Variants in KCNQ1 observed in about 807,000 individuals in gnomAD.
KCNQ1 encodes the protein potassium voltage-gated channel subfamily Q member 1.
Under a neutral mutation model 72.4 loss-of-function variants are expected in KCNQ1, and 49 were observed. The ratio of observed to expected loss-of-function variants is 0.68; its 90% CI spans 0.54 to 0.86. KCNQ1 has a LOEUF of 0.86. Among genes scored for constraint, KCNQ1 ranks in the 40% least tolerant of loss-of-function variants. The pLI is 0.00. For synonymous variants in KCNQ1, 450 were observed against 412.6 expected, an observed-to-expected ratio of 1.09 and a Z score of -1.10; for missense variants, 790 against 945.1, an observed-to-expected ratio of 0.84 and a Z score of 2.15.
intron 11 of KCNQ1, among the ~76,000 whole-genome samples, chr11:2,755,781 T>C (rs1846289924): frequency 6.6e-6 from 1 of 152,254 alleles, no homozygotes. Context: ...AATTGGTGTA[T>C]GTATAACTAA....
chr11:2,499,108 A>G (rs1477630763), intron 1 of KCNQ1, among the ~76,000 whole-genome samples: 1 of 152,136 alleles, frequency 6.6e-6, no homozygotes, highest in Non-Finnish European at 1.5e-5. Flanking sequence ...GAAATGCAGA[A>G]ATCACCCAGT....
At chr11:2,641,373 C>T (rs541399890) in intron 10 of KCNQ1, 2 of 398,096 alleles carry the variant, frequency 5.0e-6, no homozygotes, top group South Asian at 1.3e-4. Flanking sequence ...TTGCATTTCC[C>T]TTATAATTAC....
chr11:2,760,924 C>A (rs1846383031), intron 11 of KCNQ1, among the ~76,000 whole-genome samples: 1 of 152,168 alleles, frequency 6.6e-6, no homozygotes, highest in Non-Finnish European at 1.5e-5. Context: ...AGCTGAAGCC[C>A]CATGGGTGTG....
chr11:2,718,209 T>C (rs993148963), intron 11 of KCNQ1, among the ~76,000 whole-genome samples: 1 of 152,124 alleles, frequency 6.6e-6, no homozygotes, highest in African/African-American at 2.4e-5. Context: ...CTTCCTCTGC[T>C]CCGTCCTTCC....
At chr11:2,582,759 G>A (rs2133749476) in intron 6 of KCNQ1, among the ~76,000 whole-genome samples, 1 of 152,292 alleles carries the variant, frequency 6.6e-6, no homozygotes, top group East Asian at 1.9e-4. Flanking sequence ...CACGGACCAG[G>A]CCCAGCCAGG....
At chr11:2,832,404 G>A (rs770945113) in intron 15 of KCNQ1, among the ~76,000 whole-genome samples, 8 of 152,160 alleles carry the variant, frequency 5.3e-5, no homozygotes, top group East Asian at 3.9e-4. Flanking sequence ...GAGTGGGGCC[G>A]TCAGAGCTCC....
chr11:2,499,316 C>G (rs767864567), intron 1 of KCNQ1, among the ~76,000 whole-genome samples: 14 of 152,016 alleles, frequency 9.2e-5, no homozygotes, highest in Non-Finnish European at 1.6e-4. Flanking sequence ...GGCAGACACA[C>G]AAATAAAAAG....
In KCNQ1 at chr11:2,669,232, G is replaced by C. The variant is rs1850138764; in HGVS notation, c.1514+7151G>C. The C allele has an allele frequency of 2.5e-6, 1 of 398,572 alleles. No homozygotes were observed. The highest frequency in any genetic ancestry group is 4.4e-6 in the Non-Finnish European group (1 of 226,140). 24.7% of individuals were successfully genotyped at this position (398,572 alleles called of 1,614,324 possible). Reference sequence around the variant, plus strand: ...CAGGTTTTGACAGCTGGTCCTGCTGGCTCTGGCTGCTTCTCCTTCCCCATC... The same window carrying C: ...CAGGTTTTGACAGCTGGTCCTGCTGCCTCTGGCTGCTTCTCCTTCCCCATC... On this transcript the variant is annotated intron_variant, in intron 11 of 15. Coordinates refer to ENST00000155840, the MANE Select transcript of KCNQ1 (RefSeq NM_000218.3). This position sits in a 1 kb window ranked among gnomAD's most constrained non-coding sequence, Gnocchi z 5.6.
At position 2,559,208 on chromosome 11, in the gene KCNQ1, G is replaced by A. The variant is rs961865523; in HGVS notation, c.478-11420G>A. On this transcript the variant is annotated intron_variant, in intron 2 of 15. Coordinates refer to ENST00000155840, the MANE Select transcript of KCNQ1 (RefSeq NM_000218.3). This position sits in a 1 kb window ranked among gnomAD's most constrained non-coding sequence, Gnocchi z 4.9. The stretch of plus-strand genomic sequence containing the variant: ...AGCCTACCAGGCAGTCTTCCCAGAG[G>A]TGCTTCCCGGGAAGCCCGTGGAGAG... Among the ~76,000 whole-genome samples, 2 of 152,188 alleles carry A rather than the reference G, an allele frequency of 1.3e-5. No individual in the cohort carries two copies. Among genetic ancestry groups the A allele is most frequent in the East Asian group, 3.9e-4 (2 of 5,148 alleles).
chr11:2,653,738 C>T lies in KCNQ1; in HGVS notation c.1394-8223C>T. On this transcript the variant is annotated intron_variant, in intron 10 of 15. Coordinates refer to ENST00000155840, the MANE Select transcript of KCNQ1 (RefSeq NM_000218.3). The surrounding 1 kb of genome is among the most constrained non-coding windows in gnomAD (Gnocchi z 5.3). ...CCAGGATTCCTGCCAGAATCTAAGG[C>T]CAGGTTCTTATTGGCCTCAGCTGGG... is the stretch of plus-strand genomic sequence containing the variant. 2.5e-6 allele frequency: 1 copy of T among 398,658 alleles called. No homozygotes were observed. Among genetic ancestry groups the T allele is most frequent in the Non-Finnish European group, 4.4e-6 (1 of 226,080 alleles). The allele number at this position is 398,658 out of a possible 1,614,324, so 24.7% of individuals were successfully genotyped here.
rs114982513 is a variant in KCNQ1, at chr11:2,536,921, A to G, written c.477+8903A>G. 0.026 allele frequency among the ~76,000 whole-genome samples: 3,894 copies of G among 151,848 alleles called. 207 individuals carry two copies. Among genetic ancestry groups the G allele is most frequent in the African/African-American group, 0.089 (3,656 of 41,244 alleles). ...ACTGTCTTCTAGATGTAGTACCCCA[A>G]TCCCCCCCAGTCCCTCCCTTTACCT... On this transcript the variant is annotated intron_variant, in intron 2 of 15. Coordinates refer to ENST00000155840, the MANE Select transcript of KCNQ1 (RefSeq NM_000218.3). The surrounding 1 kb of genome is among the most constrained non-coding windows in gnomAD (Gnocchi z 7.4).
intron 10 of KCNQ1, chr11:2,614,170 C>T: frequency 2.5e-6 from 1 of 398,510 alleles, no homozygotes; most frequent in South Asian, 1.3e-4. Context: ...CGAATCTACC[C>T]CCAAGAGGTG....
chr11:2,558,777 C>T (rs1363118552), intron 2 of KCNQ1, among the ~76,000 whole-genome samples: 1 of 152,112 alleles, frequency 6.6e-6, no homozygotes, highest in Non-Finnish European at 1.5e-5. Flanking sequence ...AGAGGCCCCA[C>T]TCTCCTCCCC....
At position 2,720,453 on chromosome 11, in the gene KCNQ1, GC is replaced by G. The variant is rs1851183689; in HGVS notation, c.1515-48389del. On this transcript the variant is annotated intron_variant, in intron 11 of 15. Transcript: ENST00000155840. The surrounding 1 kb of genome is among the most constrained non-coding windows in gnomAD (Gnocchi z 5.1). The stretch of plus-strand genomic sequence containing the variant: ...GGAGGAAGCTGCTGGCCTCAAGAAG[GC>G]CTCTCGAAGCAGAGGCAGCCCCCTC... Among the ~76,000 whole-genome samples the G allele has an allele frequency of 6.6e-6, 1 of 152,136 alleles. No homozygotes were observed. The highest frequency in any genetic ancestry group is 2.1e-4 in the South Asian group (1 of 4,828).
Position 2,629,165 on chromosome 11 carries a change from C to G in KCNQ1, c.1394-32796C>G, listed in dbSNP as rs1404239959. The G allele has an allele frequency of 1.0e-5, 4 of 398,130 alleles. No individual in the cohort carries two copies. The Admixed American group carries it at 1.8e-4, about 18-fold the overall frequency. 24.7% of individuals were successfully genotyped at this position (398,130 alleles called of 1,614,324 possible). Reference sequence around the variant, plus strand: ...AAATTTGATAGGCATTGCCTTGAATCTGTAGATCACTTTGAGTAGTATAGC... The same window carrying G: ...AAATTTGATAGGCATTGCCTTGAATGTGTAGATCACTTTGAGTAGTATAGC... On this transcript the variant is annotated intron_variant, in intron 10 of 15. Coordinates refer to ENST00000155840, the MANE Select transcript of KCNQ1 (RefSeq NM_000218.3).
chr11:2,703,305 G>C lies in KCNQ1; in HGVS notation c.1514+41224G>C, dbSNP rs1263398012. On this transcript the variant is annotated intron_variant, in intron 11 of 15. Coordinates refer to ENST00000155840, the MANE Select transcript of KCNQ1 (RefSeq NM_000218.3). The surrounding 1 kb of genome is among the most constrained non-coding windows in gnomAD (Gnocchi z 6.4). Reference sequence around the variant, plus strand: ...GCTGCAGGGGTGGGTGTGAGACAGAGAGCCTGGGCACCTGGTGGCCACTCC... The same window carrying C: ...GCTGCAGGGGTGGGTGTGAGACAGACAGCCTGGGCACCTGGTGGCCACTCC... 6.6e-6 allele frequency among the ~76,000 whole-genome samples: 1 copy of C among 152,188 alleles called. No homozygotes were observed. Among genetic ancestry groups the C allele is most frequent in the Non-Finnish European group, 1.5e-5 (1 of 68,032 alleles).
At position 2,816,395 on chromosome 11, in the gene KCNQ1, A is replaced by C. The variant is rs233446; in HGVS notation, c.1795-31372A>C. On this transcript the variant is annotated intron_variant, in intron 15 of 15. Coordinates refer to ENST00000155840, the MANE Select transcript of KCNQ1 (RefSeq NM_000218.3). This position sits in a 1 kb window ranked among gnomAD's most constrained non-coding sequence, Gnocchi z 6.8. ...TTGTGAAAATGGTCAGGCTGCTGAA[A>C]GTGAGACCACACTCACCCTGTGGTC... Among the ~76,000 whole-genome samples, 36,955 of 152,162 alleles carry C rather than the reference A, an allele frequency of 0.24. 4,555 individuals are homozygous for C. Among genetic ancestry groups the C allele is most frequent in the Non-Finnish European group, 0.28 (19,099 of 67,978 alleles).
intron 11 of KCNQ1, among the ~76,000 whole-genome samples, chr11:2,721,713 C>A (rs2133930556): frequency 6.6e-6 from 1 of 152,324 alleles, no homozygotes; most frequent in Middle Eastern, 3.4e-3. Flanking sequence ...AGGCCTCCGG[C>A]CGTTTGTCTC....
chr11:2,761,518 G>T (rs928013260), intron 11 of KCNQ1, among the ~76,000 whole-genome samples: 1 of 152,174 alleles, frequency 6.6e-6, no homozygotes, highest in Non-Finnish European at 1.5e-5. Flanking sequence ...CTGGGTCCGT[G>T]CACATAGGCC....
Sources: allele counts gnomAD v4.1 joint callset (sites outside exome capture counted in the v4.1 genomes callset), GRCh38; gene constraint gnomAD v4.1.1; non-coding constraint Gnocchi (gnomAD v3.1); transcripts MANE v1.5; gene names NCBI Gene and HGNC (gene_info 2026-07-23, HGNC 2026-07-21).